The following LINC00305 variants were observed in gnomAD, a reference collection of about 807,000 sequenced individuals.
LINC00305 encodes the protein long independently transcribed non-coding RNA 305, also known as long intergenic non-protein coding RNA 305.
chr18:64,113,839 G>A (rs1258977523), intron 1 of LINC00305, among the ~76,000 whole-genome samples: 1 of 152,158 alleles, frequency 6.6e-6, no homozygotes, highest in Non-Finnish European at 1.5e-5. Flanking sequence ...TTTCTTTGGA[G>A]GCTGACTCTG....
At chr18:64,099,516 T>C (rs183127248) in intron 1 of LINC00305, among the ~76,000 whole-genome samples, 4 of 152,300 alleles carry the variant, frequency 2.6e-5, no homozygotes, top group Admixed American at 2.0e-4. Context: ...GACAGTGATA[T>C]AGTTGGTCTT....
At position 64,146,229 on chromosome 18, in the gene LINC00305, A is replaced by G. The variant is rs994215022; in HGVS notation, n.314+2546T>C. ...TTTAGAATAGTAGTATTAGACAAAT[A>G]TGTCCACCATAGCACAGATTGTTTA... is the stretch of plus-strand genomic sequence containing the variant. On this transcript the variant is annotated intron_variant and non_coding_transcript_variant, in intron 1 of 3. Transcript: ENST00000666468. Among the ~76,000 whole-genome samples the G allele has an allele frequency of 2.0e-5, 3 of 152,234 alleles. No homozygotes were observed. In the South Asian group the frequency reaches 6.2e-4, roughly 31 times the overall value.
intron 1 of LINC00305, among the ~76,000 whole-genome samples, chr18:64,105,409 T>A (rs2051285856): frequency 6.6e-6 from 1 of 152,178 alleles, no homozygotes; most frequent in Non-Finnish European, 1.5e-5. Flanking sequence ...TACAGTGAAC[T>A]GATTGTACCA....
intron 1 of LINC00305, among the ~76,000 whole-genome samples, chr18:64,128,701 T>A (rs568634026): frequency 6.6e-6 from 1 of 152,260 alleles, no homozygotes; most frequent in Admixed American, 6.5e-5. Flanking sequence ...TACCAATTGT[T>A]AAAATATTAA....
At chr18:64,146,535 G>A (rs1333889774) in intron 1 of LINC00305, among the ~76,000 whole-genome samples, 1 of 152,134 alleles carries the variant, frequency 6.6e-6, no homozygotes, top group Non-Finnish European at 1.5e-5. Flanking sequence ...GTGCCCCAAC[G>A]GTCATCCCCA....
chr18:64,126,122 G>A (rs182067242), intron 1 of LINC00305, among the ~76,000 whole-genome samples: 8 of 152,064 alleles, frequency 5.3e-5, no homozygotes, highest in South Asian at 4.2e-4. Flanking sequence ...TTTTGTTACC[G>A]CAGCACAAGT....
rs73962129 is a variant in LINC00305 at position 64,080,209 on chromosome 18, C to G, written n.734G>C. ...CAAAAAGAAAATCCAAAGTCCCTGC[C>G]GTTTATCCAAAGGTGCTTCACAGTA... is the stretch of plus-strand genomic sequence containing the variant. On this transcript the variant is annotated non_coding_transcript_exon_variant, in exon 4 of 4. Transcript: ENST00000666468. 2,473 of 298,174 alleles carry G rather than the reference C, an allele frequency of 8.3e-3. 58 individuals carry two copies. Among genetic ancestry groups the G allele is most frequent in the African/African-American group, 0.052 (2,316 of 44,250 alleles). 18.5% of individuals were successfully genotyped at this position (298,174 alleles called of 1,614,324 possible). A position where few individuals can be genotyped will look rare whatever the true frequency, so the allele number is the denominator to read the frequency against.
In LINC00305 at chr18:64,082,394, TA is replaced by T. The variant is rs2051188409; in HGVS notation, n.541-1993del. Among the ~76,000 whole-genome samples the T allele has an allele frequency of 2.0e-5, 3 of 152,102 alleles. 1 individual carries two copies. Among genetic ancestry groups the T allele is most frequent in the South Asian group, 4.2e-4 (2 of 4,818 alleles). ...CTCCCCACTCCTGCCAAATTATCCT[TA>T]AAAAACCTCAGTCTCCACATTTTTG... On this transcript the variant is annotated intron_variant and non_coding_transcript_variant, in intron 3 of 3. Transcript: ENST00000666468.
At chr18:64,104,758 G>C (rs913880387) in intron 1 of LINC00305, among the ~76,000 whole-genome samples, 23 of 152,256 alleles carry the variant, frequency 1.5e-4, no homozygotes, top group Non-Finnish European at 3.2e-4. Flanking sequence ...CACTTCCCCA[G>C]GACAAACAAA....
chr18:64,105,173 T>A (rs75800377), intron 1 of LINC00305, among the ~76,000 whole-genome samples: 3,868 of 152,206 alleles, frequency 0.025, 159 homozygotes, highest in African/African-American at 0.089. Context: ...TAAAAAATGT[T>A]TTCTAGGCCG....
intron 1 of LINC00305, among the ~76,000 whole-genome samples, chr18:64,125,522 T>C (rs575824105): frequency 6.6e-6 from 1 of 152,172 alleles, no homozygotes; most frequent in African/African-American, 2.4e-5. Flanking sequence ...TAATTATCAT[T>C]GCAATATGTT....
chr18:64,104,462 C>T (rs1339478409), intron 1 of LINC00305, among the ~76,000 whole-genome samples: 1 of 152,186 alleles, frequency 6.6e-6, no homozygotes, highest in Admixed American at 6.5e-5. Flanking sequence ...GAAGATTCCT[C>T]CTCCTGAGAA....
chr18:64,086,106 A>T (rs907753294), intron 3 of LINC00305, among the ~76,000 whole-genome samples: 5 of 152,250 alleles, frequency 3.3e-5, no homozygotes, highest in Non-Finnish European at 5.9e-5. Context: ...GTTAGGATTG[A>T]CTAAAGTGCA....
At chr18:64,088,105 A>C (rs564711908) in intron 3 of LINC00305, among the ~76,000 whole-genome samples, 1 of 152,002 alleles carries the variant, frequency 6.6e-6, no homozygotes, top group South Asian at 2.1e-4. Context: ...GCACCACTGC[A>C]CTCCAGCCTG....
intron 3 of LINC00305, among the ~76,000 whole-genome samples, chr18:64,089,310 G>A (rs990404895): frequency 2.0e-5 from 3 of 152,194 alleles, no homozygotes; most frequent in African/African-American, 4.8e-5. Context: ...TGAAGAAGGT[G>A]CTTGCTTCTA....
chr18:64,135,620 C>T (rs1293464782), intron 1 of LINC00305, among the ~76,000 whole-genome samples: 1 of 152,146 alleles, frequency 6.6e-6, no homozygotes, highest in Non-Finnish European at 1.5e-5. Flanking sequence ...GAGTCTCGCT[C>T]TGTTGCCCAG....
chr18:64,090,359 A>G (rs574882594), intron 3 of LINC00305, among the ~76,000 whole-genome samples: 1 of 152,314 alleles, frequency 6.6e-6, no homozygotes, highest in African/African-American at 2.4e-5. Flanking sequence ...CATTTTCTGA[A>G]CTTACTTGAT....
At chr18:64,104,287 G>A (rs2051280194) in intron 1 of LINC00305, 1 of 152,168 alleles carries the variant, frequency 6.6e-6, no homozygotes, top group Non-Finnish European at 1.5e-5. Context: ...TAATAAGTGG[G>A]TTTCTGAAGT....
chr18:64,114,817 G>A (rs1253038546), intron 1 of LINC00305, among the ~76,000 whole-genome samples: 4 of 152,248 alleles, frequency 2.6e-5, no homozygotes, highest in Admixed American at 6.5e-5. Flanking sequence ...CCGAAGTGCT[G>A]GGATTACAGG....
Sources: gnomAD v4.1 joint callset for allele counts (sites outside exome capture counted in the v4.1 genomes callset) on GRCh38, gnomAD v4.1.1 for gene constraint, MANE v1.5 for transcripts, NCBI Gene and HGNC (gene_info 2026-07-23, HGNC 2026-07-21) for gene names.